The following GRM7 variants were observed in gnomAD, a reference collection of about 807,000 sequenced individuals.
GRM7 encodes glutamate metabotropic receptor 7.
GRM7 carries 35 observed loss-of-function variants against 84.5 expected under a neutral mutation model. That is an observed-to-expected ratio of 0.41 (90% CI 0.32 to 0.55). The LOEUF is 0.55. Ranked by LOEUF, GRM7 falls within the 20% of genes least tolerant of loss-of-function variation. The pLI is 0.19. For missense variants in GRM7, 1,003 were observed against 1,194.6 expected (o/e 0.84, Z 2.36); for synonymous variants, 487 against 455.1 (o/e 1.07, Z -0.89).
At chr3:7,583,307 ACAGATAGCCCCT>A (rs1210502199) in intron 8 of GRM7, among the ~76,000 whole-genome samples, 1 of 152,190 alleles carries the variant, frequency 6.6e-6, no homozygotes, top group Non-Finnish European at 1.5e-5. Context: ...TCTGCATGTA[ACAGATAGCCCCT>A]CAGAATCTGA....
intron 1 of GRM7, among the ~76,000 whole-genome samples, chr3:7,051,309 G>T (rs1485592131): frequency 3.3e-5 from 5 of 151,714 alleles, no homozygotes; most frequent in Non-Finnish European, 7.4e-5. Context: ...TGAAAATAAT[G>T]GTTGGCCTGA....
rs1417345267 is a variant in GRM7 at position 7,524,867 on chromosome 3, A to C, written c.1516-53555A>C. ...ATAGCAAAGACTTGGAACCAACCCAAATGTCCAACAATGATAGACTGGATT... is the reference window on the plus strand; with the variant it reads ...ATAGCAAAGACTTGGAACCAACCCACATGTCCAACAATGATAGACTGGATT... On this transcript the variant is annotated intron_variant, in intron 7 of 9. Transcript: ENST00000357716. Among the ~76,000 whole-genome samples, 3 of 110,402 alleles carry C rather than the reference A, an allele frequency of 2.7e-5. 1 individual carries two copies. Among genetic ancestry groups the C allele is most frequent in the Non-Finnish European group, 5.4e-5 (3 of 55,972 alleles). 72.4% of individuals were successfully genotyped at this position (110,402 alleles called of 152,430 possible). A position where few individuals can be genotyped will look rare whatever the true frequency, so the allele number is the denominator to read the frequency against.
chr3:7,162,354 C>A (rs73811620), intron 2 of GRM7, among the ~76,000 whole-genome samples: 9,511 of 151,770 alleles, frequency 0.063, 755 homozygotes, highest in African/African-American at 0.17. Context: ...CTAAGGCATG[C>A]CTGAAGACGT....
chr3:7,044,217 CAG>C (rs1353592619), intron 1 of GRM7, among the ~76,000 whole-genome samples: 2 of 152,126 alleles, frequency 1.3e-5, no homozygotes, highest in Admixed American at 1.3e-4. Context: ...CAATATTTTG[CAG>C]AGAGTCATTT....
At chr3:7,403,650 T>TATAG (rs57425460) in intron 4 of GRM7, among the ~76,000 whole-genome samples, 7 of 143,306 alleles carry the variant, frequency 4.9e-5, no homozygotes, top group Admixed American at 4.2e-4. Flanking sequence ...TATATATATA[T>TATAG]GTACATACAC....
intron 7 of GRM7, among the ~76,000 whole-genome samples, chr3:7,462,476 G>A (rs1303452436): frequency 6.6e-6 from 1 of 152,162 alleles, no homozygotes; most frequent in Non-Finnish European, 1.5e-5. Flanking sequence ...TAGAATATGA[G>A]ATTAACCATC....
intron 1 of GRM7, among the ~76,000 whole-genome samples, chr3:6,891,478 T>C (rs1309405632): frequency 6.6e-6 from 1 of 152,192 alleles, no homozygotes; most frequent in Non-Finnish European, 1.5e-5. Flanking sequence ...ATTTTATTTC[T>C]CCTTCACTTA....
intron 8 of GRM7, among the ~76,000 whole-genome samples, chr3:7,615,961 C>T (rs915258376): frequency 6.6e-6 from 1 of 151,616 alleles, no homozygotes; most frequent in Non-Finnish European, 1.5e-5. Flanking sequence ...CATATATAAA[C>T]ACACACACAT....
intron 2 of GRM7, among the ~76,000 whole-genome samples, chr3:7,148,928 C>T (rs1033367881): frequency 2.0e-5 from 3 of 151,958 alleles, no homozygotes; most frequent in African/African-American, 7.3e-5. Context: ...AAATTAATAC[C>T]TCTTCAAGGT....
chr3:7,270,140 A>C (rs1364639731), intron 2 of GRM7, among the ~76,000 whole-genome samples: 1 of 152,228 alleles, frequency 6.6e-6, no homozygotes, highest in Non-Finnish European at 1.5e-5. Flanking sequence ...TGATCTGGGA[A>C]AGCCACACTT....
chr3:7,656,545 GCGCACA>G (rs1230327616), intron 8 of GRM7, among the ~76,000 whole-genome samples: 5,535 of 120,386 alleles, frequency 0.046, 171 homozygotes, highest in East Asian at 0.1. Flanking sequence ...ATATACGCGC[GCGCACA>G]CACACACACA....
intron 1 of GRM7, among the ~76,000 whole-genome samples, chr3:6,994,787 T>C (rs1334247711): frequency 6.6e-6 from 1 of 152,218 alleles, no homozygotes; most frequent in African/African-American, 2.4e-5. Flanking sequence ...AGTAGGTGCT[T>C]TAAAAATAAT....
At chr3:7,677,172 G>C (rs954781378) in intron 8 of GRM7, among the ~76,000 whole-genome samples, 8 of 147,848 alleles carry the variant, frequency 5.4e-5, no homozygotes, top group Admixed American at 2.7e-4. Context: ...TGAGGCAGGA[G>C]ACTCGCTTGA....
At position 7,579,006 on chromosome 3, in the gene GRM7, A is replaced by G; in HGVS notation, c.2100A>G (p.Thr700=). Residue 700 remains threonine (T), a synonymous_variant, in exon 8 of 10, where the codon ACA becomes ACG. Transcript: ENST00000357716. ...SVTAPRLISP[T]SQLAITSSLI... ...CAGCTCCCAGACTCATAAGCCCAAC[A>G]TCACAACTGGCAATCACTTCCAGTT... The G allele has an allele frequency of 4.3e-6, 7 of 1,614,076 alleles. No homozygotes were observed. Among genetic ancestry groups the G allele is most frequent in the Non-Finnish European group, 5.9e-6 (7 of 1,179,966 alleles).
intron 8 of GRM7, among the ~76,000 whole-genome samples, chr3:7,630,131 T>C (rs982682896): frequency 2.6e-5 from 4 of 152,324 alleles, no homozygotes; most frequent in African/African-American, 9.6e-5. Flanking sequence ...GCATATATTT[T>C]TTATTAAAAC....
chr3:7,333,247 C>A (rs1701278775), intron 4 of GRM7, among the ~76,000 whole-genome samples: 1 of 152,210 alleles, frequency 6.6e-6, no homozygotes, highest in Non-Finnish European at 1.5e-5. Context: ...ACAGAGTCCA[C>A]TTTACTCCCC....
At chr3:7,083,684 G>A (rs1396101994) in intron 1 of GRM7, among the ~76,000 whole-genome samples, 1 of 152,160 alleles carries the variant, frequency 6.6e-6, no homozygotes, top group Non-Finnish European at 1.5e-5. Flanking sequence ...ATCTAGTGAT[G>A]ATCAAACTGG....
rs564933550 is a variant in GRM7, at chr3:7,062,266, A to G, written c.520-84186A>G. On this transcript the variant is annotated intron_variant, in intron 1 of 9. Coordinates refer to ENST00000357716, the MANE Select transcript of GRM7 (RefSeq NM_000844.4). ...AGGAGATGAGTAGTGAATGGAACGGATAAAGCATTACACTGAGGATTTTGT... is the reference window on the plus strand; with the variant it reads ...AGGAGATGAGTAGTGAATGGAACGGGTAAAGCATTACACTGAGGATTTTGT... 8.3e-4 allele frequency among the ~76,000 whole-genome samples: 126 copies of G among 151,762 alleles called. 1 individual carries two copies. Among genetic ancestry groups the G allele is most frequent in the South Asian group, 3.1e-3 (15 of 4,822 alleles).
chr3:7,525,242 G>A (rs547612942), intron 7 of GRM7, among the ~76,000 whole-genome samples: 3 of 152,082 alleles, frequency 2.0e-5, no homozygotes, highest in Non-Finnish European at 4.4e-5. Context: ...TTGTGCACAT[G>A]TACCCTAAAA....
Sources: allele counts gnomAD v4.1 joint callset (sites outside exome capture counted in the v4.1 genomes callset), GRCh38; gene constraint gnomAD v4.1.1; transcripts MANE v1.5; gene names NCBI Gene and HGNC (gene_info 2026-07-23, HGNC 2026-07-21).